Variants in CYP2U1 observed in about 807,000 individuals in gnomAD.
CYP2U1 encodes the protein cytochrome P450 family 2 subfamily U member 1.
In CYP2U1, 28 loss-of-function variants were observed where a neutral mutation model predicts 42.8. The ratio of observed to expected loss-of-function variants is 0.65; its 90% CI spans 0.48 to 0.90. The LOEUF is 0.90. Ranked by LOEUF, CYP2U1 falls within the 40% of genes least tolerant of loss-of-function variation. CYP2U1 has a pLI of 0.00. For synonymous variants in CYP2U1, 296 were observed against 278.9 expected, an observed-to-expected ratio of 1.06 and a Z score of -0.61; for missense variants, 642 against 693.8, an observed-to-expected ratio of 0.93 and a Z score of 0.84.
intron 1 of CYP2U1, among the ~76,000 whole-genome samples, chr4:107,944,612 G>T (rs1297679039): frequency 6.6e-6 from 1 of 151,374 alleles, no homozygotes; most frequent in East Asian, 1.9e-4. Flanking sequence ...GTCCACCTGA[G>T]AAATTTTCTA....
At chr4:107,939,478 C>G (rs1733400271) in intron 1 of CYP2U1, among the ~76,000 whole-genome samples, 1 of 152,080 alleles carries the variant, frequency 6.6e-6, no homozygotes, top group Admixed American at 6.5e-5. Flanking sequence ...AGAACACACT[C>G]TATCCACATT....
Position 107,932,227 on chromosome 4 carries a change from C to T in CYP2U1, c.490+94C>T. 4 of 1,470,848 alleles carry T rather than the reference C, an allele frequency of 2.7e-6. No individual in the cohort carries two copies. In the South Asian group the frequency reaches 5.5e-5, roughly 20 times the overall value. The allele number at this position is 1,470,848 out of a possible 1,614,324, so 91.1% of individuals were successfully genotyped here. A position where few individuals can be genotyped will look rare whatever the true frequency, so the allele number is the denominator to read the frequency against. On this transcript the variant is annotated intron_variant, in intron 1 of 4. Transcript: ENST00000332884. ...CAGTTCCTGTGCCCCTTCCGGCCGCCCGCGCCCCCAGGCTGCCTCACACCT... is the reference window on the plus strand; with the variant it reads ...CAGTTCCTGTGCCCCTTCCGGCCGCTCGCGCCCCCAGGCTGCCTCACACCT...
In CYP2U1 at chr4:107,950,444, T is replaced by C. The variant is rs370914955; in HGVS notation, c.*21T>C. ...GATGAAGAGCATCTCCAAGAAGAGA[T>C]GGTAAAAAGATATATAAATACATAT... On this transcript the variant is annotated 3_prime_UTR_variant, in exon 5 of 5. Transcript: ENST00000332884. The C allele has an allele frequency of 1.4e-5, 23 of 1,590,240 alleles. No homozygotes were observed. Among genetic ancestry groups the C allele is most frequent in the African/African-American group, 4.1e-5 (3 of 73,322 alleles).
intron 1 of CYP2U1, among the ~76,000 whole-genome samples, chr4:107,932,865 G>T (rs996273250): frequency 5.9e-5 from 9 of 152,168 alleles, no homozygotes; most frequent in Non-Finnish European, 1.5e-5. Flanking sequence ...AAGTAGGGTA[G>T]CCTCCCTTGT....
chr4:107,952,298 T>C lies in CYP2U1; in HGVS notation c.*1875T>C, dbSNP rs1268333748. 6.6e-6 allele frequency: 1 copy of C among 152,224 alleles called. No homozygotes were observed. Among genetic ancestry groups the C allele is most frequent in the Non-Finnish European group, 1.5e-5 (1 of 68,036 alleles). 9.4% of individuals were successfully genotyped at this position (152,224 alleles called of 1,614,324 possible). ...AATCACTGGACTTTTGTGTTTACCATTTAAAACAACCATTTTAAACAAACT... is the reference window on the plus strand; with the variant it reads ...AATCACTGGACTTTTGTGTTTACCACTTAAAACAACCATTTTAAACAAACT... On this transcript the variant is annotated 3_prime_UTR_variant, in exon 5 of 5. Transcript: ENST00000332884.
chr4:107,953,060 G>C lies in CYP2U1; in HGVS notation c.*2637G>C, dbSNP rs1733964517. ...CACTGTACCTTGGGCGGGAGAGTTT[G>C]TTCTTGATATGGAATTCATATGCTT... On this transcript the variant is annotated 3_prime_UTR_variant, in exon 5 of 5. Coordinates refer to ENST00000332884, the MANE Select transcript of CYP2U1 (RefSeq NM_183075.3). 6.6e-6 allele frequency: 1 copy of C among 152,152 alleles called. No homozygotes were observed. Among genetic ancestry groups the C allele is most frequent in the Non-Finnish European group, 1.5e-5 (1 of 68,030 alleles). The allele number at this position is 152,152 out of a possible 1,614,324, so 9.4% of individuals were successfully genotyped here. A position where few individuals can be genotyped will look rare whatever the true frequency, so the allele number is the denominator to read the frequency against.
Position 107,931,720 on chromosome 4 carries a change from GGCT to G in CYP2U1, c.83_85del (p.Leu28del). 1.4e-6 allele frequency: 2 copies of G among 1,396,036 alleles called. No individual in the cohort carries two copies. The highest frequency in any genetic ancestry group is 1.8e-6 in the Non-Finnish European group (2 of 1,085,064). The allele number at this position is 1,396,036 out of a possible 1,614,324, so 86.5% of individuals were successfully genotyped here. On this transcript the variant is annotated inframe_deletion, in exon 1 of 5. Coordinates refer to ENST00000332884, the MANE Select transcript of CYP2U1 (RefSeq NM_183075.3). Reference sequence around the variant, plus strand: ...GCGCGCCTCCTGCGTGCGCCTCTGGGGCTGCTGCGGCTGGACCCCAGCGGGGGC... The same window carrying G: ...GCGCGCCTCCTGCGTGCGCCTCTGGGGCTGCGGCTGGACCCCAGCGGGGGC...
intron 3 of CYP2U1, among the ~76,000 whole-genome samples, chr4:107,948,005 C>T (rs1269911673): frequency 6.6e-6 from 1 of 152,168 alleles, no homozygotes; most frequent in Admixed American, 6.5e-5. Flanking sequence ...TGGTGGCCTA[C>T]ACCTGTAATC....
chr4:107,946,108 G>A (rs977205732), intron 2 of CYP2U1, among the ~76,000 whole-genome samples: 87 of 152,144 alleles, frequency 5.7e-4, no homozygotes, highest in African/African-American at 1.8e-3. Context: ...ACCACAAACC[G>A]AGTGGCTTAA....
intron 3 of CYP2U1, 125 bp from the exon 4 acceptor site, chr4:107,949,225 A>G (rs1052079907): frequency 8.9e-6 from 8 of 903,640 alleles, no homozygotes; most frequent in Admixed American, 3.5e-5. Context: ...AGTACCTCAC[A>G]GTTTGGTCTC....
At chr4:107,947,331 C>CT (rs1304853990) in intron 2 of CYP2U1, 45 bp from the exon 3 acceptor site, 1 of 1,590,132 alleles carries the variant, frequency 6.3e-7, no homozygotes, top group Non-Finnish European at 8.6e-7. Context: ...ACGTTCGACT[C>CT]TGTCCCATGC....
intron 1 of CYP2U1, chr4:107,935,683 G>C (rs1733235145): frequency 6.6e-6 from 1 of 152,206 alleles, no homozygotes; most frequent in African/African-American, 2.4e-5. Context: ...TGAGGTGTGA[G>C]TGGACTTCCC....
intron 1 of CYP2U1, chr4:107,940,431 C>T (rs952166318): frequency 6.6e-6 from 1 of 151,948 alleles, no homozygotes; most frequent in Non-Finnish European, 1.5e-5. Context: ...CGTATGTAAA[C>T]AAATTAGTTT....
chr4:107,950,352 C>T lies in CYP2U1; in HGVS notation c.1564C>T (p.Pro522Ser), dbSNP rs747768954. The change falls in exon 5 of 5, where the codon CCC (proline) becomes TCC (serine). Residue 522 changes from proline to serine, a missense_variant. Pro to Ser is a moderately conservative substitution (Grantham distance 74). Coordinates refer to ENST00000332884, the MANE Select transcript of CYP2U1 (RefSeq NM_183075.3). ...TGCTTTACCTGAGGATTCTAAGAAG[C>T]CCCTCCTGACTGGAAGATTTGGTCT... ...AFALPEDSKKPLLTGRFGLTL... is the reference protein window; with the variant it reads ...AFALPEDSKKSLLTGRFGLTL... 6.2e-7 allele frequency: 1 copy of T among 1,614,010 alleles called. No individual in the cohort carries two copies. Among genetic ancestry groups the T allele is most frequent in the Admixed American group, 1.7e-5 (1 of 59,988 alleles).
Position 107,950,446 on chromosome 4 carries a change from G to A in CYP2U1, c.*23G>A. 6.3e-7 allele frequency: 1 copy of A among 1,586,648 alleles called. No individual in the cohort carries two copies. The highest frequency in any genetic ancestry group is 8.5e-7 in the Non-Finnish European group (1 of 1,170,268). On this transcript the variant is annotated 3_prime_UTR_variant, in exon 5 of 5. Transcript: ENST00000332884. ...TGAAGAGCATCTCCAAGAAGAGATG[G>A]TAAAAAGATATATAAATACATATCC...
intron 4 of CYP2U1, 107 bp downstream of exon 4, chr4:107,949,624 TATAAG>T: frequency 1.9e-6 from 2 of 1,031,082 alleles, no homozygotes; most frequent in Non-Finnish European, 1.3e-6. Flanking sequence ...GGCAAGCTAA[TATAAG>T]AGAAGGGATC....
At chr4:107,942,687 T>C (rs1733540274) in intron 1 of CYP2U1, among the ~76,000 whole-genome samples, 1 of 151,894 alleles carries the variant, frequency 6.6e-6, no homozygotes, top group Non-Finnish European at 1.5e-5. Flanking sequence ...TGAGGTAGAG[T>C]GGGGACCCTT....
In CYP2U1 at chr4:107,953,035, C is replaced by T. The variant is rs1733963489; in HGVS notation, c.*2612C>T. The T allele has an allele frequency of 6.6e-6, 1 of 152,220 alleles. No homozygotes were observed. Among genetic ancestry groups the T allele is most frequent in the African/African-American group, 2.4e-5 (1 of 41,460 alleles). 9.4% of individuals were successfully genotyped at this position (152,220 alleles called of 1,614,324 possible). ...AGATGAGATGATACAGTGTGGATTA[C>T]ACTGTACCTTGGGCGGGAGAGTTTG... On this transcript the variant is annotated 3_prime_UTR_variant, in exon 5 of 5. Transcript: ENST00000332884.
intron 3 of CYP2U1, among the ~76,000 whole-genome samples, chr4:107,948,782 T>C (rs992781675): frequency 6.6e-6 from 1 of 152,162 alleles, no homozygotes; most frequent in African/African-American, 2.4e-5. Context: ...TTAAGACAGT[T>C]ATAGCATGCC....
Sources: gnomAD v4.1 joint callset for allele counts (sites outside exome capture counted in the v4.1 genomes callset) on GRCh38, gnomAD v4.1.1 for gene constraint, MANE v1.5 for transcripts, NCBI Gene and HGNC (gene_info 2026-07-23, HGNC 2026-07-21) for gene names.